Variants in CLSTN2 observed in about 807,000 individuals in gnomAD.
CLSTN2 encodes the protein calsyntenin 2.
In CLSTN2, 48 loss-of-function variants were observed where a neutral mutation model predicts 101.2. The ratio of observed to expected loss-of-function variants is 0.47; its 90% CI spans 0.38 to 0.60. The LOEUF is 0.60. Ranked by LOEUF, CLSTN2 falls within the 20% of genes least tolerant of loss-of-function variation. The probability of loss-of-function intolerance (pLI) is 0.00; values close to 1 mark genes in which losing one functional copy is unlikely to be tolerated. For missense variants in CLSTN2, 1,160 were observed against 1,238.2 expected (o/e 0.94, Z 0.95); for synonymous variants, 481 against 463.6 (o/e 1.04, Z -0.48).
chr3:139,987,036 A>G (rs1199226976), intron 1 of CLSTN2, among the ~76,000 whole-genome samples: 1 of 152,124 alleles, frequency 6.6e-6, no homozygotes, highest in Non-Finnish European at 1.5e-5. Context: ...GCTGTTAAAA[A>G]AAAATTCCCC....
chr3:140,030,502 C>G (rs939432009), intron 1 of CLSTN2, among the ~76,000 whole-genome samples: 5 of 152,050 alleles, frequency 3.3e-5, no homozygotes, highest in African/African-American at 1.2e-4. Context: ...AAAAATTAGT[C>G]CAGGAGGTCT....
At chr3:140,275,520 C>T (rs1376304579) in intron 2 of CLSTN2, among the ~76,000 whole-genome samples, 2 of 152,144 alleles carry the variant, frequency 1.3e-5, no homozygotes, top group African/African-American at 4.8e-5. Context: ...AATCCTCCCA[C>T]CTTGGCCTCC....
chr3:140,548,479 T>C (rs573248295), intron 10 of CLSTN2, among the ~76,000 whole-genome samples: 2 of 152,246 alleles, frequency 1.3e-5, no homozygotes, highest in Admixed American at 6.5e-5. Context: ...ATCCAGAACC[T>C]TGGAGACTGG....
chr3:140,462,496 G>A (rs953958475), intron 7 of CLSTN2, among the ~76,000 whole-genome samples: 1 of 152,198 alleles, frequency 6.6e-6, no homozygotes, highest in African/African-American at 2.4e-5. Flanking sequence ...AGCTTTTGCT[G>A]TAAATTGTCA....
chr3:140,433,571 G>T (rs2088658808), intron 5 of CLSTN2, among the ~76,000 whole-genome samples: 1 of 152,194 alleles, frequency 6.6e-6, no homozygotes, highest in Non-Finnish European at 1.5e-5. Flanking sequence ...TACAGCTTCA[G>T]AGTGCAGGCT....
intron 1 of CLSTN2, among the ~76,000 whole-genome samples, chr3:140,171,649 ACGTAT>A (rs1393758767): frequency 1.3e-4 from 6 of 44,598 alleles, no homozygotes; most frequent in South Asian, 8.9e-4. Flanking sequence ...TATATATAAT[ACGTAT>A]TATATATTAT....
At chr3:140,218,404 T>C (rs1472086386) in intron 2 of CLSTN2, among the ~76,000 whole-genome samples, 1 of 152,162 alleles carries the variant, frequency 6.6e-6, no homozygotes, top group Non-Finnish European at 1.5e-5. Flanking sequence ...GCTCACTTAT[T>C]ATTATCCTTA....
At chr3:140,416,566 C>A (rs1365602800) in intron 4 of CLSTN2, among the ~76,000 whole-genome samples, 2 of 152,166 alleles carry the variant, frequency 1.3e-5, no homozygotes, top group African/African-American at 4.8e-5. Context: ...AGTTGGTGGA[C>A]CCCACACTTG....
At chr3:140,150,539 A>G (rs914754283) in intron 1 of CLSTN2, among the ~76,000 whole-genome samples, 2 of 152,320 alleles carry the variant, frequency 1.3e-5, no homozygotes, top group Non-Finnish European at 1.5e-5. Context: ...ATCAGCTCAG[A>G]GAAGTACTTT....
chr3:139,938,391 C>T (rs151153323), intron 1 of CLSTN2, among the ~76,000 whole-genome samples: 157 of 152,250 alleles, frequency 1.0e-3, no homozygotes, highest in African/African-American at 3.3e-3. Flanking sequence ...TTGCTTCTTG[C>T]TTTAGGGACT....
intron 5 of CLSTN2, among the ~76,000 whole-genome samples, chr3:140,423,829 C>T (rs1413831836): frequency 6.6e-6 from 1 of 152,154 alleles, no homozygotes; most frequent in Non-Finnish European, 1.5e-5. Context: ...CCCTTACGTG[C>T]CCACCCTATC....
chr3:140,062,371 A>G (rs2008222158), intron 1 of CLSTN2, among the ~76,000 whole-genome samples: 1 of 152,146 alleles, frequency 6.6e-6, no homozygotes, highest in South Asian at 2.1e-4. Flanking sequence ...ATATTGAAGT[A>G]TTCTATTATC....
At chr3:140,402,117 G>A (rs541787842) in intron 2 of CLSTN2, among the ~76,000 whole-genome samples, 2 of 152,334 alleles carry the variant, frequency 1.3e-5, no homozygotes, top group South Asian at 4.1e-4. Context: ...AAGCATAAAG[G>A]TAAGATTGGT....
intron 8 of CLSTN2, among the ~76,000 whole-genome samples, chr3:140,498,928 A>C (rs1039073158): frequency 6.6e-6 from 1 of 151,066 alleles, no homozygotes; most frequent in African/African-American, 2.4e-5. Flanking sequence ...CCCAGCACTG[A>C]GCACTCTGTC....
At chr3:140,202,204 C>T (rs976346067) in intron 2 of CLSTN2, among the ~76,000 whole-genome samples, 1 of 152,146 alleles carries the variant, frequency 6.6e-6, no homozygotes, top group African/African-American at 2.4e-5. Flanking sequence ...TGTGATAGGG[C>T]CTCTCTGCTC....
At chr3:140,205,512 T>A (rs2010769058) in intron 2 of CLSTN2, among the ~76,000 whole-genome samples, 1 of 151,534 alleles carries the variant, frequency 6.6e-6, no homozygotes, top group African/African-American at 2.4e-5. Flanking sequence ...GGTGGGAATA[T>A]GGGAGGGAGA....
At chr3:140,381,791 T>C (rs2087988469) in intron 2 of CLSTN2, among the ~76,000 whole-genome samples, 1 of 152,228 alleles carries the variant, frequency 6.6e-6, no homozygotes, top group Admixed American at 6.5e-5. Context: ...ATCAGTTTGC[T>C]GAACTGAACA....
intron 2 of CLSTN2, among the ~76,000 whole-genome samples, chr3:140,283,492 C>T (rs1402277474): frequency 1.3e-5 from 2 of 152,044 alleles, no homozygotes; most frequent in Admixed American, 6.6e-5. Context: ...GATTGTATTA[C>T]CCTTGCTTTA....
At chr3:140,240,802 G>T (rs1034395122) in intron 2 of CLSTN2, among the ~76,000 whole-genome samples, 4 of 152,170 alleles carry the variant, frequency 2.6e-5, no homozygotes, top group African/African-American at 9.7e-5. Flanking sequence ...GGTAAAAGGT[G>T]TTCTGCAGCT....
Sources: allele counts gnomAD v4.1 joint callset (sites outside exome capture counted in the v4.1 genomes callset), GRCh38; gene constraint gnomAD v4.1.1; transcripts MANE v1.5; gene names NCBI Gene and HGNC (gene_info 2026-07-23, HGNC 2026-07-21).